SCYL3: variants seen among roughly 807,000 people sequenced by gnomAD.
SCYL3 encodes the protein SCY1 like pseudokinase 3.
SCYL3 carries 35 observed loss-of-function variants against 73.8 expected under a neutral mutation model. The ratio of observed to expected loss-of-function variants is 0.47; its 90% CI spans 0.36 to 0.63. The LOEUF is 0.63. SCYL3 is among the 20% of genes least tolerant of loss of function. SCYL3 has a pLI of 0.00. For synonymous variants in SCYL3, 277 were observed against 295.2 expected (o/e 0.94, Z 0.63); for missense variants, 712 against 798.9 (o/e 0.89, Z 1.31).
intron 4 of SCYL3, among the ~76,000 whole-genome samples, chr1:169,873,995 T>C (rs1660617851): frequency 6.6e-6 from 1 of 152,224 alleles, no homozygotes; most frequent in Non-Finnish European, 1.5e-5. Flanking sequence ...TTCATCTGGT[T>C]TAACAGACAC....
chr1:169,863,842 G>A (rs542617692), intron 9 of SCYL3, among the ~76,000 whole-genome samples: 17 of 152,278 alleles, frequency 1.1e-4, no homozygotes, highest in Middle Eastern at 3.4e-3. Flanking sequence ...AGGATTCTAC[G>A]TAACTTAAAA....
At chr1:169,867,865 T>C (rs768554838) in intron 7 of SCYL3, among the ~76,000 whole-genome samples, 80 of 152,272 alleles carry the variant, frequency 5.3e-4, no homozygotes, top group Non-Finnish European at 8.7e-4. Flanking sequence ...AATAAATAAC[T>C]CATTTTACAC....
chr1:169,872,735 T>C (rs1017952357), intron 5 of SCYL3, among the ~76,000 whole-genome samples: 1 of 152,236 alleles, frequency 6.6e-6, no homozygotes, highest in Non-Finnish European at 1.5e-5. Context: ...GTGACCCGGA[T>C]GCGAGACACG....
chr1:169,864,232 C>A (rs1221315849), intron 9 of SCYL3, 137 bp downstream of exon 9: 5 of 1,138,442 alleles, frequency 4.4e-6, no homozygotes, highest in Non-Finnish European at 3.9e-6. Context: ...AAAGTTATCA[C>A]ATCAGGGGCC....
intron 2 of SCYL3, among the ~76,000 whole-genome samples, chr1:169,884,005 C>A (rs1425618389): frequency 1.3e-5 from 2 of 152,074 alleles, no homozygotes; most frequent in Non-Finnish European, 2.9e-5. Context: ...CAGGTGTGAG[C>A]CACTGTGCCC....
At chr1:169,877,358 A>G (rs1660921432) in intron 3 of SCYL3, among the ~76,000 whole-genome samples, 1 of 152,000 alleles carries the variant, frequency 6.6e-6, no homozygotes, top group South Asian at 2.1e-4. Flanking sequence ...GGGTCTTGCC[A>G]TGTTGCCCAG....
chr1:169,862,756 G>A lies in SCYL3; in HGVS notation c.997C>T (p.Leu333=), dbSNP rs1171730300. 8 of 1,614,106 alleles carry A rather than the reference G, an allele frequency of 5.0e-6. No homozygotes were observed. Among genetic ancestry groups the A allele is most frequent in the African/African-American group, 1.3e-5 (1 of 74,928 alleles). ...ACGGGGATCACCCGTGACTGGAACA[G>A]GGCTGGTGAGAGCAAGCAAGGAGTT... is the stretch of plus-strand genomic sequence containing the variant. ...GETPCLLSPA[L]FQSRVIPVLL... is the part of the protein sequence containing the mutation. Residue 333 remains leucine, a synonymous_variant, in exon 10 of 13, where the codon CTG becomes TTG. Transcript: ENST00000367771.
In SCYL3 at chr1:169,851,730, ACT is replaced by A. The variant is rs1276115500; in HGVS notation, c.*1981_*1982del. ...CAGAATTTGCCTAGTATGGTTGAAC[ACT>A]CAGCACTTAAATTATGTGGCCATTT... is the stretch of plus-strand genomic sequence containing the variant. On this transcript the variant is annotated 3_prime_UTR_variant, in exon 13 of 13. Coordinates refer to ENST00000367771, the MANE Select transcript of SCYL3 (RefSeq NM_020423.7). 2.6e-6 allele frequency: 4 copies of A among 1,519,314 alleles called. No homozygotes were observed. The highest frequency in any genetic ancestry group is 1.4e-5 in the African/African-American group (1 of 72,140). The allele number at this position is 1,519,314 out of a possible 1,614,324, so 94.1% of individuals were successfully genotyped here.
rs913184367 is a variant in SCYL3, at chr1:169,852,259, G to C, written c.*1454C>G. ...AAAGAAACTTACTCCTAAATGTTTAGTTTGATTCCTTGCCTTATTAATCAA... is the reference window on the plus strand; with the variant it reads ...AAAGAAACTTACTCCTAAATGTTTACTTTGATTCCTTGCCTTATTAATCAA... On this transcript the variant is annotated 3_prime_UTR_variant, in exon 13 of 13. Transcript: ENST00000367771. 5.7e-6 allele frequency: 2 copies of C among 352,404 alleles called. No individual in the cohort carries two copies. The highest frequency in any genetic ancestry group is 4.6e-5 in the Admixed American group (1 of 21,890). The allele number at this position is 352,404 out of a possible 1,614,324, so 21.8% of individuals were successfully genotyped here.
chr1:169,883,714 A>AT (rs11311295), intron 2 of SCYL3, among the ~76,000 whole-genome samples: 1,371 of 100,054 alleles, frequency 0.014, 33 homozygotes, highest in African/African-American at 0.045. Flanking sequence ...CTCCAATTAC[A>AT]TTTTTTTTTT....
rs752012431 is a variant in SCYL3, at chr1:169,852,826, G to A, written c.*887C>T. On this transcript the variant is annotated 3_prime_UTR_variant, in exon 13 of 13. Transcript: ENST00000367771. Reference sequence around the variant, plus strand: ...AAGAGCTCGTCAGGAGTTCCCCTGGGAAGAAGAGTACAGGTCAGCGCTGCA... The same window carrying A: ...AAGAGCTCGTCAGGAGTTCCCCTGGAAAGAAGAGTACAGGTCAGCGCTGCA... 5.6e-6 allele frequency: 9 copies of A among 1,614,096 alleles called. No homozygotes were observed. The South Asian group carries it at 9.9e-5, about 18-fold the overall frequency.
intron 2 of SCYL3, among the ~76,000 whole-genome samples, chr1:169,884,782 AAGG>A (rs762030189): frequency 6.6e-6 from 1 of 152,240 alleles, no homozygotes; most frequent in African/African-American, 2.4e-5. Flanking sequence ...TTTAATAAAG[AAGG>A]AGAAGAAGAA....
chr1:169,862,153 C>A (rs1259721864), intron 10 of SCYL3, among the ~76,000 whole-genome samples: 1 of 152,226 alleles, frequency 6.6e-6, no homozygotes, highest in Non-Finnish European at 1.5e-5. Flanking sequence ...TTTGTTATGG[C>A]AGCCTAAGCA....
At chr1:169,881,142 T>C (rs2102197602) in intron 2 of SCYL3, among the ~76,000 whole-genome samples, 1 of 152,334 alleles carries the variant, frequency 6.6e-6, no homozygotes, top group African/African-American at 2.4e-5. Context: ...AGGTTTTCAA[T>C]GTGTGTGAAT....
At chr1:169,888,457 T>C (rs751966083) in intron 2 of SCYL3, among the ~76,000 whole-genome samples, 2 of 152,246 alleles carry the variant, frequency 1.3e-5, no homozygotes, top group African/African-American at 2.4e-5. Context: ...GCCATTGTAC[T>C]GAGTTTTATG....
At chr1:169,863,922 A>G (rs937564899) in intron 9 of SCYL3, among the ~76,000 whole-genome samples, 1 of 152,196 alleles carries the variant, frequency 6.6e-6, no homozygotes, top group African/African-American at 2.4e-5. Flanking sequence ...AAATTGTAAA[A>G]TTCCAAAGCA....
Position 169,853,214 on chromosome 1 carries a change from A to G in SCYL3, c.*499T>C. ...GAACTGCCTAGGTCCACAAAGAACC[A>G]TTTACTCAGATAGTCTAACTGTAAA... is the stretch of plus-strand genomic sequence containing the variant. On this transcript the variant is annotated 3_prime_UTR_variant, in exon 13 of 13. Transcript: ENST00000367771. 1.8e-6 allele frequency: 1 copy of G among 545,370 alleles called. No homozygotes were observed. The allele number at this position is 545,370 out of a possible 1,614,324, so 33.8% of individuals were successfully genotyped here. A position where few individuals can be genotyped will look rare whatever the true frequency, so the allele number is the denominator to read the frequency against.
At chr1:169,889,232 A>C (rs566910557) in intron 1 of SCYL3, among the ~76,000 whole-genome samples, 14 of 152,356 alleles carry the variant, frequency 9.2e-5, no homozygotes, top group African/African-American at 3.1e-4. Context: ...ACAAAGGAAA[A>C]TGTTGTAAAA....
At position 169,852,241 on chromosome 1, in the gene SCYL3, C is replaced by A. The variant is rs1658460708; in HGVS notation, c.*1472G>T. Reference sequence around the variant, plus strand: ...GAACCACAGAAGAAAATGAAAGAAACTTACTCCTAAATGTTTAGTTTGATT... The same window carrying A: ...GAACCACAGAAGAAAATGAAAGAAAATTACTCCTAAATGTTTAGTTTGATT... On this transcript the variant is annotated 3_prime_UTR_variant, in exon 13 of 13. Transcript: ENST00000367771. 2.8e-6 allele frequency: 1 copy of A among 362,398 alleles called. No homozygotes were observed. Among genetic ancestry groups the A allele is most frequent in the African/African-American group, 2.1e-5 (1 of 47,040 alleles). The allele number at this position is 362,398 out of a possible 1,614,324, so 22.4% of individuals were successfully genotyped here. A position where few individuals can be genotyped will look rare whatever the true frequency, so the allele number is the denominator to read the frequency against.
Sources: allele counts gnomAD v4.1 joint callset (sites outside exome capture counted in the v4.1 genomes callset), GRCh38; gene constraint gnomAD v4.1.1; transcripts MANE v1.5; gene names NCBI Gene and HGNC (gene_info 2026-07-23, HGNC 2026-07-21).